The following LSAMP variants were observed in gnomAD, a reference collection of about 807,000 sequenced individuals.
LSAMP encodes limbic system-associated membrane protein.
Under a neutral mutation model 38.6 loss-of-function variants are expected in LSAMP, and 7 were observed. The ratio of observed to expected loss-of-function variants is 0.18; its 90% confidence interval spans 0.10 to 0.34. The LOEUF is 0.34. LSAMP is among the 10% of genes least tolerant of loss of function. The pLI, the probability that LSAMP is intolerant of heterozygous loss-of-function variation, is 1.00. For missense variants in LSAMP, 313 were observed against 420.0 expected, an observed-to-expected ratio of 0.75 and a Z score of 2.23; for synonymous variants, 154 against 166.8, an observed-to-expected ratio of 0.92 and a Z score of 0.59.
At chr3:116,041,126 A>T (rs1321376020) in intron 2 of LSAMP, among the ~76,000 whole-genome samples, 1 of 151,706 alleles carries the variant, frequency 6.6e-6, no homozygotes, top group Admixed American at 6.6e-5. Context: ...GTCTCACTAT[A>T]TTGCCCAGCC....
At chr3:116,225,079 T>C (rs2046327910) in intron 1 of LSAMP, among the ~76,000 whole-genome samples, 1 of 152,148 alleles carries the variant, frequency 6.6e-6, no homozygotes, top group African/African-American at 2.4e-5. Context: ...TGAGGGAAAT[T>C]TGAATATGGA....
intron 1 of LSAMP, among the ~76,000 whole-genome samples, chr3:116,389,060 T>C (rs1011625672): frequency 8.5e-5 from 13 of 152,188 alleles, no homozygotes; most frequent in African/African-American, 2.4e-4. Context: ...CAAGTTCTAA[T>C]TGCAGATGTT....
At chr3:116,131,938 G>A (rs955756505) in intron 1 of LSAMP, among the ~76,000 whole-genome samples, 2 of 150,972 alleles carry the variant, frequency 1.3e-5, no homozygotes, top group Non-Finnish European at 2.9e-5. Flanking sequence ...AGTGATTCTC[G>A]TGCCTCAGTC....
At chr3:116,278,435 T>C (rs2047082683) in intron 1 of LSAMP, among the ~76,000 whole-genome samples, 1 of 152,172 alleles carries the variant, frequency 6.6e-6, no homozygotes, top group Non-Finnish European at 1.5e-5. Context: ...CATAATATCA[T>C]ACTCATCTGC....
At chr3:115,994,841 A>G (rs1401825924) in intron 3 of LSAMP, among the ~76,000 whole-genome samples, 1 of 152,064 alleles carries the variant, frequency 6.6e-6, no homozygotes, top group Admixed American at 6.6e-5. Context: ...ATGGATAGAG[A>G]TTTGGTTGAT....
At chr3:116,292,118 C>G (rs985291243) in intron 1 of LSAMP, among the ~76,000 whole-genome samples, 21 of 152,160 alleles carry the variant, frequency 1.4e-4, no homozygotes, top group African/African-American at 5.1e-4. Context: ...CTTTGGTAAT[C>G]TCCCCTACTT....
rs1007469151 is a variant in LSAMP at position 116,036,498 on chromosome 3, C to T, written c.389-16858G>A. Among the ~76,000 whole-genome samples the T allele has an allele frequency of 2.2e-4, 33 of 152,232 alleles. 1 individual carries two copies. The highest frequency in any genetic ancestry group is 4.1e-4 in the South Asian group (2 of 4,826). On this transcript the variant is annotated intron_variant, in intron 2 of 6. Transcript: ENST00000490035. ...ATTGATGTCTTTGACTAATTCTGTGCCTCACTTTTGTCTTCACTGCCTGTC... is the reference window on the plus strand; with the variant it reads ...ATTGATGTCTTTGACTAATTCTGTGTCTCACTTTTGTCTTCACTGCCTGTC...
At chr3:116,405,595 C>T (rs1323050486) in intron 1 of LSAMP, among the ~76,000 whole-genome samples, 2 of 151,736 alleles carry the variant, frequency 1.3e-5, no homozygotes, top group Non-Finnish European at 2.9e-5. Context: ...AAACTCCAAG[C>T]AGATGAGCAG....
At chr3:115,815,476 C>T (rs972233382) in intron 6 of LSAMP, among the ~76,000 whole-genome samples, 1 of 152,164 alleles carries the variant, frequency 6.6e-6, no homozygotes, top group Non-Finnish European at 1.5e-5. Flanking sequence ...TCTCTACTCT[C>T]TATAAAGCGA....
chr3:116,352,684 C>A (rs1262303718), intron 1 of LSAMP, among the ~76,000 whole-genome samples: 1 of 152,072 alleles, frequency 6.6e-6, no homozygotes, highest in African/African-American at 2.4e-5. Flanking sequence ...TCTCGTTAAT[C>A]TTAAAAAACA....
chr3:116,340,019 C>T (rs770568975), intron 1 of LSAMP, among the ~76,000 whole-genome samples: 31 of 152,062 alleles, frequency 2.0e-4, no homozygotes, highest in African/African-American at 6.0e-4. Flanking sequence ...TAAAAGCTGA[C>T]GGGTAGAACA....
intron 1 of LSAMP, among the ~76,000 whole-genome samples, chr3:116,279,065 G>T (rs550093130): frequency 3.9e-5 from 6 of 152,142 alleles, no homozygotes; most frequent in African/African-American, 1.2e-4. Flanking sequence ...GCTAGTACTT[G>T]CCATTTAAAT....
chr3:116,410,415 C>T (rs2048956923), intron 1 of LSAMP, among the ~76,000 whole-genome samples: 1 of 152,012 alleles, frequency 6.6e-6, no homozygotes, highest in African/African-American at 2.4e-5. Context: ...TTAGAGGAAG[C>T]TCCATCACCT....
chr3:115,953,437 ACACAC>A (rs1559894827), intron 3 of LSAMP, among the ~76,000 whole-genome samples: 386 of 149,252 alleles, frequency 2.6e-3, no homozygotes, highest in African/African-American at 9.0e-3. Context: ...ACACACACAC[ACACAC>A]AATGTCTAAA....
chr3:115,952,947 T>C (rs191275577), intron 3 of LSAMP, among the ~76,000 whole-genome samples: 14 of 152,354 alleles, frequency 9.2e-5, no homozygotes, highest in Admixed American at 2.6e-4. Flanking sequence ...TATTATTTCA[T>C]TTAACCTTGT....
In LSAMP at chr3:115,864,735, C is replaced by T. The variant is rs374811915; in HGVS notation, c.515-12118G>A. 1.0e-3 allele frequency among the ~76,000 whole-genome samples: 157 copies of T among 152,178 alleles called. No homozygotes were observed. The South Asian group carries it at 0.014, about 13-fold the overall frequency. On this transcript the variant is annotated intron_variant, in intron 3 of 6. Transcript: ENST00000490035. Reference sequence around the variant, plus strand: ...ACCCTCCCAGCCTAAACAGTGTGAACCGCAAAATGATTTTCATGAAAGTGT... The same window carrying T: ...ACCCTCCCAGCCTAAACAGTGTGAATCGCAAAATGATTTTCATGAAAGTGT...
chr3:116,316,778 GAAAA>G (rs35294836), intron 1 of LSAMP, among the ~76,000 whole-genome samples: 3 of 119,010 alleles, frequency 2.5e-5, no homozygotes, highest in African/African-American at 6.4e-5. Context: ...CTCAAAAAAA[GAAAA>G]AAAAAAAAAA....
At chr3:115,882,893 C>T (rs1273949315) in intron 3 of LSAMP, among the ~76,000 whole-genome samples, 1 of 152,156 alleles carries the variant, frequency 6.6e-6, no homozygotes, top group South Asian at 2.1e-4. Flanking sequence ...AAACAAAACC[C>T]TAGCAGCTTT....
intron 1 of LSAMP, among the ~76,000 whole-genome samples, chr3:116,180,138 C>A (rs1326436965): frequency 5.9e-5 from 9 of 152,016 alleles, no homozygotes; most frequent in Non-Finnish European, 1.0e-4. Flanking sequence ...GTAATATGTA[C>A]AATGAATATA....
Sources: gnomAD v4.1 joint callset for allele counts (sites outside exome capture counted in the v4.1 genomes callset) on GRCh38, gnomAD v4.1.1 for gene constraint, MANE v1.5 for transcripts, NCBI Gene and HGNC (gene_info 2026-07-23, HGNC 2026-07-21) for gene names.